Variants in STXBP6 observed in about 807,000 individuals in gnomAD.
STXBP6 encodes the protein syntaxin binding protein 6.
In STXBP6, 21 loss-of-function variants were observed where a neutral mutation model predicts 26.9. The ratio of observed to expected loss-of-function variants is 0.78; its 90% CI spans 0.55 to 1.12. The LOEUF is 1.12. Ranked by LOEUF, STXBP6 falls within the 50% of genes most tolerant of loss-of-function variation. The pLI is 0.00. For synonymous variants in STXBP6, 97 were observed against 92.6 expected (o/e 1.05, Z -0.27); for missense variants, 232 against 257.9 (o/e 0.90, Z 0.69).
chr14:25,028,126 C>G (rs1382029298), intron 1 of STXBP6, among the ~76,000 whole-genome samples: 1 of 152,174 alleles, frequency 6.6e-6, no homozygotes, highest in African/African-American at 2.4e-5. Context: ...GATGATCTAG[C>G]TAAGATAACT....
chr14:24,967,263 A>G (rs2073763472), intron 2 of STXBP6, among the ~76,000 whole-genome samples: 1 of 152,220 alleles, frequency 6.6e-6, no homozygotes, highest in African/African-American at 2.4e-5. Flanking sequence ...TCTGAACTCA[A>G]TAAATACCAC....
chr14:24,988,245 A>G (rs553569251), intron 1 of STXBP6, among the ~76,000 whole-genome samples: 2 of 152,328 alleles, frequency 1.3e-5, no homozygotes, highest in African/African-American at 2.4e-5. Context: ...AAGAAAATCC[A>G]TCTAGGGGCA....
chr14:24,961,252 T>C (rs1157327886), intron 2 of STXBP6, among the ~76,000 whole-genome samples: 1 of 151,678 alleles, frequency 6.6e-6, no homozygotes. Context: ...CAACAGACAA[T>C]GGGGTCTAGT....
intron 1 of STXBP6, among the ~76,000 whole-genome samples, chr14:24,985,414 G>A (rs755910725): frequency 9.2e-5 from 14 of 152,164 alleles, no homozygotes; most frequent in South Asian, 2.1e-4. Context: ...TTTCCAAACC[G>A]GAAAACGCTT....
At chr14:25,010,687 T>A (rs537753043) in intron 1 of STXBP6, 1 of 152,210 alleles carries the variant, frequency 6.6e-6, no homozygotes, top group East Asian at 1.9e-4. Context: ...AACCCCAAAT[T>A]CCTGGCATTC....
chr14:24,896,289 T>A (rs1218052497), intron 2 of STXBP6, among the ~76,000 whole-genome samples: 2 of 144,170 alleles, frequency 1.4e-5, no homozygotes, highest in Non-Finnish European at 3.0e-5. Flanking sequence ...AGACTCAAGT[T>A]TTGCTCTACT....
chr14:24,953,234 C>A (rs1359978883), intron 2 of STXBP6, among the ~76,000 whole-genome samples: 1 of 152,162 alleles, frequency 6.6e-6, no homozygotes, highest in Non-Finnish European at 1.5e-5. Flanking sequence ...TATAAAGACA[C>A]ATGTGATGGC....
chr14:24,901,173 T>A (rs576841498), intron 2 of STXBP6, among the ~76,000 whole-genome samples: 1 of 152,294 alleles, frequency 6.6e-6, no homozygotes, highest in South Asian at 2.1e-4. Flanking sequence ...TTGGCTTTTT[T>A]ACCTACTAAA....
At chr14:24,926,682 C>T (rs896875297) in intron 2 of STXBP6, among the ~76,000 whole-genome samples, 8 of 152,036 alleles carry the variant, frequency 5.3e-5, no homozygotes, top group East Asian at 3.9e-4. Context: ...TGTAGATTGG[C>T]GAGTGTAGCA....
At chr14:24,947,530 G>A (rs764271843) in intron 2 of STXBP6, among the ~76,000 whole-genome samples, 1 of 152,186 alleles carries the variant, frequency 6.6e-6, no homozygotes, top group Non-Finnish European at 1.5e-5. Context: ...TAAGAAGTCA[G>A]GAATGAGAGG....
intron 2 of STXBP6, among the ~76,000 whole-genome samples, chr14:24,919,773 G>A (rs1246060743): frequency 6.6e-6 from 1 of 152,014 alleles, no homozygotes. Context: ...GTGGGAGAAG[G>A]TGAGTTGTGT....
chr14:24,925,972 G>A (rs1368989208), intron 2 of STXBP6, among the ~76,000 whole-genome samples: 2 of 152,130 alleles, frequency 1.3e-5, no homozygotes, highest in Non-Finnish European at 2.9e-5. Flanking sequence ...AGAAAACTGG[G>A]AAGGGAAGGT....
intron 2 of STXBP6, among the ~76,000 whole-genome samples, chr14:24,900,617 A>C (rs2071176781): frequency 6.6e-6 from 1 of 152,162 alleles, no homozygotes; most frequent in Admixed American, 6.5e-5. Context: ...GTTCTACAAA[A>C]TTATTCCCCC....
chr14:24,985,110 T>C (rs191718641), intron 1 of STXBP6, among the ~76,000 whole-genome samples: 53 of 152,332 alleles, frequency 3.5e-4, no homozygotes, highest in African/African-American at 1.2e-3. Flanking sequence ...TCATTCTTTC[T>C]GGATATCTGT....
At chr14:24,979,671 T>G (rs1012079134) in intron 1 of STXBP6, among the ~76,000 whole-genome samples, 2 of 152,194 alleles carry the variant, frequency 1.3e-5, no homozygotes, top group African/African-American at 4.8e-5. Context: ...ACTGAGCATT[T>G]CCACTGAGAC....
intron 2 of STXBP6, among the ~76,000 whole-genome samples, chr14:24,894,734 C>T (rs1464234157): frequency 2.0e-5 from 3 of 152,192 alleles, no homozygotes; most frequent in African/African-American, 7.2e-5. Flanking sequence ...GGACAGAATA[C>T]CCCTCTCTAC....
chr14:24,964,694 G>T (rs2073675443), intron 2 of STXBP6, among the ~76,000 whole-genome samples: 1 of 112,328 alleles, frequency 8.9e-6, no homozygotes, highest in Non-Finnish European at 1.9e-5. Context: ...TGTAAAGGAA[G>T]GGTAACAGGA....
chr14:24,899,780 CAAAAA>C (rs58367371), intron 2 of STXBP6, among the ~76,000 whole-genome samples: 54 of 46,878 alleles, frequency 1.2e-3, no homozygotes, highest in South Asian at 3.8e-3. Flanking sequence ...GACTACATTT[CAAAAA>C]AAAAAAAAAA....
chr14:24,944,762 C>T (rs1016205752), intron 2 of STXBP6, among the ~76,000 whole-genome samples: 7 of 152,078 alleles, frequency 4.6e-5, no homozygotes, highest in Non-Finnish European at 1.0e-4. Flanking sequence ...ATCTTCTTCA[C>T]CTGTTTTGTA....
Sources: gnomAD v4.1 joint callset for allele counts (sites outside exome capture counted in the v4.1 genomes callset) on GRCh38, gnomAD v4.1.1 for gene constraint, MANE v1.5 for transcripts, NCBI Gene and HGNC (gene_info 2026-07-23, HGNC 2026-07-21) for gene names.